Variants in CA10 observed in about 807,000 individuals in gnomAD.
CA10 encodes the protein carbonic anhydrase 10 (inactive).
CA10 carries 14 observed loss-of-function variants against 44.2 expected under a neutral mutation model. The observed-to-expected ratio is 0.32, with a 90% CI of 0.21 to 0.50. CA10 has a LOEUF of 0.50. CA10 is among the 20% of genes least tolerant of loss of function. The pLI, the probability that CA10 is intolerant of heterozygous loss-of-function variation, is 0.99. For synonymous variants in CA10, 159 were observed against 141.6 expected (o/e 1.12, Z -0.87); for missense variants, 350 against 409.7 (o/e 0.85, Z 1.26).
intron 2 of CA10, among the ~76,000 whole-genome samples, chr17:51,954,740 C>A (rs1343389608): frequency 1.3e-5 from 2 of 152,312 alleles, no homozygotes; most frequent in East Asian, 3.9e-4. Context: ...GGAGAGACTG[C>A]AAATGAGTAC....
intron 2 of CA10, among the ~76,000 whole-genome samples, chr17:52,026,796 C>T (rs1338807802): frequency 6.6e-6 from 1 of 152,006 alleles, no homozygotes; most frequent in Non-Finnish European, 1.5e-5. Flanking sequence ...CTCCTTCCCA[C>T]AACATATGGG....
chr17:52,015,137 A>T (rs904878083), intron 2 of CA10, among the ~76,000 whole-genome samples: 3 of 152,142 alleles, frequency 2.0e-5, no homozygotes, highest in Non-Finnish European at 4.4e-5. Context: ...AGTGACCAAG[A>T]AAACACAGAA....
At chr17:51,712,681 G>A (rs1394219761) in intron 4 of CA10, among the ~76,000 whole-genome samples, 1 of 152,196 alleles carries the variant, frequency 6.6e-6, no homozygotes, top group Non-Finnish European at 1.5e-5. Flanking sequence ...GCATCTCATT[G>A]TTTTATCTCC....
Position 51,931,040 on chromosome 17 carries a change from T to C in CA10, c.229A>G (p.Ile77Val), listed in dbSNP as rs1982638168. 1.9e-6 allele frequency: 3 copies of C among 1,613,562 alleles called. No homozygotes were observed. The highest frequency in any genetic ancestry group is 2.5e-6 in the Non-Finnish European group (3 of 1,179,670). ...AGAGGTGTCAGAAAGGGGTCGAAGA[T>C]CATGTGACTGGTCTCTATGTTGACT... is the stretch of plus-strand genomic sequence containing the variant. ...SPVNIETSHM[I>V]FDPFLTPLRI... Residue 77 changes from isoleucine to valine, a missense_variant, in exon 3 of 9, where the codon ATC (isoleucine) becomes GTC (valine). Coordinates refer to ENST00000451037, the MANE Select transcript of CA10 (RefSeq NM_020178.5).
chr17:51,913,035 G>A (rs886552513), intron 3 of CA10, among the ~76,000 whole-genome samples: 6 of 152,184 alleles, frequency 3.9e-5, no homozygotes, highest in Non-Finnish European at 8.8e-5. Flanking sequence ...AGCTGGGGAA[G>A]AGGCAGAAGC....
At chr17:52,047,485 T>C (rs766654322) in intron 2 of CA10, among the ~76,000 whole-genome samples, 2 of 152,052 alleles carry the variant, frequency 1.3e-5, no homozygotes, top group African/African-American at 4.8e-5. Context: ...TATAAGGTTT[T>C]CACAAGTCTT....
intron 2 of CA10, among the ~76,000 whole-genome samples, chr17:51,980,943 A>G (rs1984633535): frequency 6.6e-6 from 1 of 152,160 alleles, no homozygotes; most frequent in Admixed American, 6.6e-5. Context: ...ATCATTAGCC[A>G]TCAGGGAAAA....
In CA10 at chr17:51,670,502, C is replaced by T. The variant is rs73987145; in HGVS notation, c.466-16766G>A. Among the ~76,000 whole-genome samples, 1,024 of 151,498 alleles carry T rather than the reference C, an allele frequency of 6.8e-3. 11 individuals are homozygous for T. The highest frequency in any genetic ancestry group is 0.023 in the African/African-American group (968 of 41,294). On this transcript the variant is annotated intron_variant, in intron 4 of 8. Transcript: ENST00000451037. The stretch of plus-strand genomic sequence containing the variant: ...GTCCGCATTCCTTTTTTTTTTTTCC[C>T]CCTGGAATCTCTGGGACACCAACTC...
intron 1 of CA10, among the ~76,000 whole-genome samples, chr17:52,108,699 C>CAAAAAAAAA (rs759411898): frequency 5.4e-5 from 5 of 91,836 alleles, no homozygotes; most frequent in Admixed American, 1.2e-4. Context: ...GACTCCGTCT[C>CAAAAAAAAA]AAAAAAAAAA....
At position 51,645,824 on chromosome 17, in the gene CA10, T is replaced by G. The variant is rs114349867; in HGVS notation, c.634+3358A>C. ...AGAATATTTTTCAGGAAATGTTCAC[T>G]TCTTCCTCATCTTCATCTCCTTGGC... is the stretch of plus-strand genomic sequence containing the variant. On this transcript the variant is annotated intron_variant, in intron 6 of 8. Transcript: ENST00000451037. Among the ~76,000 whole-genome samples the G allele has an allele frequency of 7.4e-3, 1,121 of 152,362 alleles. 10 individuals are homozygous for G. The highest frequency in any genetic ancestry group is 0.025 in the African/African-American group (1,038 of 41,586).
At chr17:51,794,742 A>G (rs968197492) in intron 3 of CA10, among the ~76,000 whole-genome samples, 1 of 152,188 alleles carries the variant, frequency 6.6e-6, no homozygotes, top group Admixed American at 6.5e-5. Context: ...ATAAATCTAC[A>G]GTGGGGTGAA....
At position 51,716,452 on chromosome 17, in the gene CA10, A is replaced by G. The variant is rs561646031; in HGVS notation, c.465+31181T>C. On this transcript the variant is annotated intron_variant, in intron 4 of 8. Coordinates refer to ENST00000451037, the MANE Select transcript of CA10 (RefSeq NM_020178.5). ...TTCTCTCCCCTTTTTTGGCCTCGAAAAATGATATTTATTCAGAGAAAAAAA... is the reference window on the plus strand; with the variant it reads ...TTCTCTCCCCTTTTTTGGCCTCGAAGAATGATATTTATTCAGAGAAAAAAA... Among the ~76,000 whole-genome samples the G allele has an allele frequency of 9.2e-4, 140 of 152,196 alleles. 1 individual carries two copies. The highest frequency in any genetic ancestry group is 3.1e-3 in the African/African-American group (130 of 41,522).
Position 52,107,438 on chromosome 17 carries a change from G to C in CA10, c.62-35045C>G, listed in dbSNP as rs150698387. On this transcript the variant is annotated intron_variant, in intron 1 of 8. Transcript: ENST00000451037. ...AAGGTTATTTTTTCTTTTTTCCTATGACAATTTTCTAGAAAACATAGGATT... is the reference window on the plus strand; with the variant it reads ...AAGGTTATTTTTTCTTTTTTCCTATCACAATTTTCTAGAAAACATAGGATT... Among the ~76,000 whole-genome samples the C allele has an allele frequency of 1.2e-3, 186 of 152,032 alleles. 2 individuals are homozygous for C. The East Asian group carries it at 0.03, about 25-fold the overall frequency.
At chr17:51,961,222 CACACAG>C (rs1983880900) in intron 2 of CA10, among the ~76,000 whole-genome samples, 1 of 151,184 alleles carries the variant, frequency 6.6e-6, no homozygotes, top group Non-Finnish European at 1.5e-5. Context: ...CACACACACA[CACACAG>C]AGTTTCTTTT....
At chr17:51,704,866 G>A (rs1054326044) in intron 4 of CA10, among the ~76,000 whole-genome samples, 5 of 152,132 alleles carry the variant, frequency 3.3e-5, no homozygotes, top group African/African-American at 1.2e-4. Context: ...GGGAGGCTGA[G>A]GCAGGAGAAT....
intron 3 of CA10, among the ~76,000 whole-genome samples, chr17:51,841,342 T>C (rs1978317371): frequency 6.6e-6 from 1 of 152,330 alleles, no homozygotes; most frequent in East Asian, 1.9e-4. Flanking sequence ...CACACAGCTA[T>C]GACACTAGTA....
At chr17:52,079,580 C>T (rs1987911751) in intron 1 of CA10, among the ~76,000 whole-genome samples, 1 of 152,028 alleles carries the variant, frequency 6.6e-6, no homozygotes, top group Admixed American at 6.5e-5. Flanking sequence ...ACTTGCAGTC[C>T]AGCTCACACA....
At chr17:51,836,651 T>C (rs1321655237) in intron 3 of CA10, among the ~76,000 whole-genome samples, 5 of 152,148 alleles carry the variant, frequency 3.3e-5, no homozygotes, top group Non-Finnish European at 5.9e-5. Context: ...TGCTTAACAT[T>C]TGTGAAGTGC....
At chr17:52,080,562 T>C (rs1027555111) in intron 1 of CA10, among the ~76,000 whole-genome samples, 2 of 151,970 alleles carry the variant, frequency 1.3e-5, no homozygotes, top group South Asian at 4.2e-4. Context: ...AGGAGGAAAG[T>C]CCCTATTATG....
Sources: allele counts gnomAD v4.1 joint callset (sites outside exome capture counted in the v4.1 genomes callset), GRCh38; gene constraint gnomAD v4.1.1; transcripts MANE v1.5; gene names NCBI Gene and HGNC (gene_info 2026-07-23, HGNC 2026-07-21).